Variants in MAGI1 observed in about 807,000 individuals in gnomAD.
MAGI1 encodes membrane associated guanylate kinase, WW and PDZ domain containing 1.
In MAGI1, 58 loss-of-function variants were observed where a neutral mutation model predicts 139.9. The ratio of observed to expected loss-of-function variants is 0.41; its 90% CI spans 0.34 to 0.52. MAGI1 has a LOEUF of 0.52. Among genes scored for constraint, MAGI1 ranks in the 20% least tolerant of loss-of-function variants. The pLI is 0.12. For synonymous variants in MAGI1, 812 were observed against 737.9 expected (o/e 1.10, Z -1.63); for missense variants, 1,874 against 1,901.6 (o/e 0.99, Z 0.27).
At chr3:66,023,818 A>G (rs2068088245) in intron 1 of MAGI1, among the ~76,000 whole-genome samples, 1 of 152,362 alleles carries the variant, frequency 6.6e-6, no homozygotes, top group Admixed American at 6.5e-5. Context: ...CTATTCCTGT[A>G]CTAAGAACTC....
At chr3:65,929,147 A>C (rs264681) in intron 1 of MAGI1, among the ~76,000 whole-genome samples, 117,461 of 151,224 alleles carry the variant, frequency 0.78, 46,708 homozygotes, top group East Asian at 0.98. Context: ...AAGGGAGACA[A>C]TGCCGCAAAA....
Position 65,562,849 on chromosome 3 carries a change from T to A in MAGI1, c.430+59123A>T, listed in dbSNP as rs1377344800. Among the ~76,000 whole-genome samples the A allele has an allele frequency of 2.6e-5, 4 of 152,354 alleles. No individual in the cohort carries two copies. The East Asian group carries it at 5.8e-4, about 22-fold the overall frequency. ...TTATTCATATGTATTTAAAGCATTTTATTTTAACACACACAGTGTTCATTC... is the reference window on the plus strand; with the variant it reads ...TTATTCATATGTATTTAAAGCATTTAATTTTAACACACACAGTGTTCATTC... On this transcript the variant is annotated intron_variant, in intron 2 of 22. Transcript: ENST00000402939.
At position 65,890,438 on chromosome 3, in the gene MAGI1, G is replaced by A. The variant is rs117501871; in HGVS notation, c.313+147558C>T. On this transcript the variant is annotated intron_variant, in intron 1 of 22. Transcript: ENST00000402939. Reference sequence around the variant, plus strand: ...TCACACACAGGCACACACACACACCGAGGAGGTCAGAAACATGTTCTTGTG... The same window carrying A: ...TCACACACAGGCACACACACACACCAAGGAGGTCAGAAACATGTTCTTGTG... Among the ~76,000 whole-genome samples the A allele has an allele frequency of 1.8e-3, 277 of 152,182 alleles. 1 individual carries two copies. The East Asian group carries it at 0.019, about 11-fold the overall frequency.
At chr3:65,375,635 C>G in intron 18 of MAGI1, 110 bp downstream of exon 18, 1 of 926,996 alleles carries the variant, frequency 1.1e-6, no homozygotes, top group Non-Finnish European at 1.7e-6. Context: ...TAAATTAATA[C>G]TATTCAGTTA....
At chr3:65,762,210 TC>T (rs1471840444) in intron 1 of MAGI1, among the ~76,000 whole-genome samples, 1 of 152,080 alleles carries the variant, frequency 6.6e-6, no homozygotes, top group African/African-American at 2.4e-5. Flanking sequence ...GTGGTTCCTT[TC>T]CCCCTCCAAC....
At chr3:65,735,877 A>C (rs924922909) in intron 1 of MAGI1, among the ~76,000 whole-genome samples, 1 of 152,212 alleles carries the variant, frequency 6.6e-6, no homozygotes, top group Admixed American at 6.5e-5. Flanking sequence ...TACAGGCACC[A>C]TGTCAATAAC....
chr3:65,412,439 T>A (rs1347397479), intron 12 of MAGI1, among the ~76,000 whole-genome samples: 1 of 152,210 alleles, frequency 6.6e-6, no homozygotes, highest in African/African-American at 2.4e-5. Flanking sequence ...AGCCTATCAC[T>A]CTCTAAAATG....
chr3:65,605,346 T>G (rs1456119156), intron 2 of MAGI1, among the ~76,000 whole-genome samples: 1 of 152,206 alleles, frequency 6.6e-6, no homozygotes, highest in Non-Finnish European at 1.5e-5. Flanking sequence ...AAATTTCACC[T>G]GTGAAACTTT....
intron 1 of MAGI1, among the ~76,000 whole-genome samples, chr3:66,018,173 G>A (rs2067769013): frequency 6.7e-6 from 1 of 149,334 alleles, no homozygotes; most frequent in African/African-American, 2.5e-5. Context: ...AAGCCTGGCT[G>A]GAACAAAATA....
At chr3:65,477,269 G>C (rs1050662974) in intron 4 of MAGI1, among the ~76,000 whole-genome samples, 1 of 152,132 alleles carries the variant, frequency 6.6e-6, no homozygotes, top group Non-Finnish European at 1.5e-5. Flanking sequence ...AAACCTAAGT[G>C]AGGCCCATAC....
At chr3:65,631,531 A>G (rs141377526) in intron 1 of MAGI1, among the ~76,000 whole-genome samples, 5 of 152,278 alleles carry the variant, frequency 3.3e-5, no homozygotes, top group African/African-American at 1.2e-4. Context: ...AACAAAATCT[A>G]TCTGTGTACT....
At chr3:66,002,930 A>G (rs2066823927) in intron 1 of MAGI1, among the ~76,000 whole-genome samples, 1 of 152,204 alleles carries the variant, frequency 6.6e-6, no homozygotes, top group African/African-American at 2.4e-5. Flanking sequence ...AATTGCACCT[A>G]ATGATTGACA....
intron 1 of MAGI1, among the ~76,000 whole-genome samples, chr3:65,678,881 A>T (rs1246055876): frequency 6.6e-6 from 1 of 152,178 alleles, no homozygotes; most frequent in Non-Finnish European, 1.5e-5. Flanking sequence ...TCTCTTACTC[A>T]TTTTAATGTA....
At chr3:65,728,844 G>C (rs963575820) in intron 1 of MAGI1, among the ~76,000 whole-genome samples, 15 of 152,094 alleles carry the variant, frequency 9.9e-5, no homozygotes, top group Admixed American at 2.6e-4. Context: ...AGTAGAACTT[G>C]AGTGTGTAAT....
chr3:65,709,877 T>G (rs1328272204), intron 1 of MAGI1, among the ~76,000 whole-genome samples: 1 of 152,276 alleles, frequency 6.6e-6, no homozygotes, highest in Non-Finnish European at 1.5e-5. Context: ...ATAACTGGTG[T>G]AAATCAAATC....
chr3:65,435,256 G>A (rs1947752340), intron 10 of MAGI1, among the ~76,000 whole-genome samples: 1 of 146,262 alleles, frequency 6.8e-6, no homozygotes, highest in Admixed American at 6.7e-5. Context: ...AAGGAAATAA[G>A]GAAGAAGAGA....
At chr3:65,584,086 GAAAAAAAAAA>G (rs542674034) in intron 2 of MAGI1, among the ~76,000 whole-genome samples, 2 of 95,876 alleles carry the variant, frequency 2.1e-5, no homozygotes, top group South Asian at 4.3e-4. Context: ...ATCTACTCTT[GAAAAAAAAAA>G]AAAAAAAAAA....
At chr3:65,723,438 G>A (rs1291813154) in intron 1 of MAGI1, among the ~76,000 whole-genome samples, 4 of 152,134 alleles carry the variant, frequency 2.6e-5, no homozygotes, top group Non-Finnish European at 5.9e-5. Context: ...ATCTCTAGGG[G>A]CAGAAATAAT....
At chr3:65,616,284 G>A (rs187820397) in intron 2 of MAGI1, among the ~76,000 whole-genome samples, 9 of 152,128 alleles carry the variant, frequency 5.9e-5, no homozygotes, top group Non-Finnish European at 1.0e-4. Flanking sequence ...GACAAGCCAA[G>A]GGCACATGGG....
Sources: gnomAD v4.1 joint callset for allele counts (sites outside exome capture counted in the v4.1 genomes callset) on GRCh38, gnomAD v4.1.1 for gene constraint, MANE v1.5 for transcripts, NCBI Gene and HGNC (gene_info 2026-07-23, HGNC 2026-07-21) for gene names.